The following CELF2 variants were observed in gnomAD, a reference collection of about 807,000 sequenced individuals.
The protein encoded by CELF2 is CUGBP Elav-like family member 2.
Under a neutral mutation model 62.6 loss-of-function variants are expected in CELF2, and 8 were observed. That is an observed-to-expected ratio of 0.13 (90% CI 0.07 to 0.23). The LOEUF (loss-of-function observed/expected upper bound fraction) is 0.23. CELF2 is among the 10% of genes least tolerant of loss of function. The probability of loss-of-function intolerance (pLI) is 1.00; values close to 1 mark genes in which losing one functional copy is unlikely to be tolerated. For synonymous variants in CELF2, 258 were observed against 250.0 expected (o/e 1.03, Z -0.30); for missense variants, 333 against 671.0 (o/e 0.50, Z 5.56).
chr10:10,849,878 C>T (rs536575872), intron 1 of CELF2, among the ~76,000 whole-genome samples: 6 of 152,064 alleles, frequency 3.9e-5, no homozygotes, highest in South Asian at 2.1e-4. Flanking sequence ...TGTGGTGGCT[C>T]ATGCCTGTAA....
intron 2 of CELF2, among the ~76,000 whole-genome samples, chr10:10,940,404 C>T (rs2046923386): frequency 6.6e-6 from 1 of 152,138 alleles, no homozygotes; most frequent in African/African-American, 2.4e-5. Context: ...TAACTTGCTC[C>T]TTTGTCATGC....
chr10:10,864,738 G>A (rs879313376), intron 1 of CELF2, among the ~76,000 whole-genome samples: 7 of 152,146 alleles, frequency 4.6e-5, no homozygotes, highest in Non-Finnish European at 1.0e-4. Context: ...TGTCTTAGGT[G>A]TTAGAGCTCC....
chr10:11,208,482 G>A (rs866084649), intron 2 of CELF2, among the ~76,000 whole-genome samples: 9 of 152,122 alleles, frequency 5.9e-5, no homozygotes, highest in East Asian at 1.9e-4. Flanking sequence ...AGGACATGAC[G>A]TAACGCTAAC....
the CELF2 span, among the ~76,000 whole-genome samples, chr10:10,738,677 G>A: frequency 1.3e-5 from 2 of 152,040 alleles, no homozygotes; most frequent in Non-Finnish European, 2.9e-5. Context: ...TCCAATAGAG[G>A]GCCATCCTAC....
chr10:10,567,484 G>A, the CELF2 span, among the ~76,000 whole-genome samples: 1 of 152,162 alleles, frequency 6.6e-6, no homozygotes, highest in Non-Finnish European at 1.5e-5. Context: ...GGAAGGCAGA[G>A]AAGCAGAATG....
the CELF2 span, among the ~76,000 whole-genome samples, chr10:10,785,291 G>A: frequency 6.6e-6 from 1 of 152,136 alleles, no homozygotes; most frequent in Non-Finnish European, 1.5e-5. Context: ...AATATCATCT[G>A]GAGTGTGCCA....
intron 3 of CELF2, among the ~76,000 whole-genome samples, chr10:11,239,244 A>G (rs1186018948): frequency 6.6e-6 from 1 of 152,066 alleles, no homozygotes; most frequent in Non-Finnish European, 1.5e-5. Context: ...CCTTTGGTGT[A>G]CGACGTGATT....
At chr10:10,536,010 G>A in the CELF2 span, among the ~76,000 whole-genome samples, 8 of 130,414 alleles carry the variant, frequency 6.1e-5, no homozygotes, top group African/African-American at 2.2e-4. Context: ...GGGGCTTCAA[G>A]AAAGCTTTTG....
At chr10:11,276,751 C>T (rs1240640742) in intron 8 of CELF2, among the ~76,000 whole-genome samples, 1 of 152,202 alleles carries the variant, frequency 6.6e-6, no homozygotes, top group Non-Finnish European at 1.5e-5. Context: ...TGCTGCCGAG[C>T]GTGCTGTCCC....
chr10:11,253,471 C>T (rs956819030), intron 4 of CELF2, among the ~76,000 whole-genome samples: 7 of 152,092 alleles, frequency 4.6e-5, no homozygotes, highest in South Asian at 2.1e-4. Flanking sequence ...TTCTGATTCA[C>T]GGGAAGATGA....
rs1482513272 is a variant in CELF2 at position 10,894,146 on chromosome 10, T to C, written c.54-25818T>C. On this transcript the variant is annotated intron_variant, in intron 1 of 13. Transcript: ENST00000636488. ...AAAAAAAAGGCCAAATGATAGATTT[T>C]TCATTTTGGGCAAAAAAAAGAATTG... is the stretch of plus-strand genomic sequence containing the variant. 2.0e-5 allele frequency among the ~76,000 whole-genome samples: 3 copies of C among 152,214 alleles called. No homozygotes were observed. In the East Asian group the frequency reaches 5.8e-4, roughly 29 times the overall value.
chr10:10,865,558 T>G (rs1252161423), intron 1 of CELF2, among the ~76,000 whole-genome samples: 2 of 152,242 alleles, frequency 1.3e-5, no homozygotes, highest in African/African-American at 4.8e-5. Context: ...CAGTTTTTAT[T>G]GCCTGAATGG....
In CELF2 at chr10:11,306,397, T is replaced by G. The variant is rs2094212256; in HGVS notation, c.977-7742T>G. Among the ~76,000 whole-genome samples, 1 of 152,104 alleles carries G rather than the reference T, an allele frequency of 6.6e-6. No individual in the cohort carries two copies. Among genetic ancestry groups the G allele is most frequent in the Non-Finnish European group, 1.5e-5 (1 of 67,994 alleles). ...TGTCCGAGGCAGCATCTTGCCAGCC[T>G]GCCAGCACAGAAATGGAGAGTCTGG... On this transcript the variant is annotated intron_variant, in intron 9 of 12. Coordinates refer to ENST00000633077, the MANE Select transcript of CELF2 (RefSeq NM_001326342.2). The surrounding 1 kb of genome is among the most constrained non-coding windows in gnomAD (Gnocchi z 4.4).
At chr10:11,234,464 C>T (rs1358570895) in intron 3 of CELF2, among the ~76,000 whole-genome samples, 1 of 152,104 alleles carries the variant, frequency 6.6e-6, no homozygotes, top group Non-Finnish European at 1.5e-5. Flanking sequence ...GGGTGGATCA[C>T]GAGGTCAGGA....
chr10:11,220,676 C>T lies in CELF2; in HGVS notation c.354+3169C>T, dbSNP rs931706207. Among the ~76,000 whole-genome samples, 1 of 152,202 alleles carries T rather than the reference C, an allele frequency of 6.6e-6. No individual in the cohort carries two copies. The highest frequency in any genetic ancestry group is 2.4e-5 in the African/African-American group (1 of 41,434). The stretch of plus-strand genomic sequence containing the variant: ...AACATAAACCCTAGAAATACAATGG[C>T]AGTCATAAAGGAAGCAAATTCAACA... On this transcript the variant is annotated intron_variant, in intron 3 of 12. Transcript: ENST00000633077. This position sits in a 1 kb window ranked among gnomAD's most constrained non-coding sequence, Gnocchi z 4.4.
At chr10:11,146,213 A>G (rs2062243556) in intron 1 of CELF2, among the ~76,000 whole-genome samples, 1 of 152,222 alleles carries the variant, frequency 6.6e-6, no homozygotes, top group African/African-American at 2.4e-5. Flanking sequence ...TTTTACAGAG[A>G]TTCATTTTAG....
intron 2 of CELF2, among the ~76,000 whole-genome samples, chr10:11,167,809 G>C (rs1388006475): frequency 6.6e-6 from 1 of 152,330 alleles, no homozygotes; most frequent in East Asian, 1.9e-4. Context: ...AGCTTTACAT[G>C]TGTCCTCATT....
chr10:10,479,846 G>A, the CELF2 span, among the ~76,000 whole-genome samples: 1 of 152,198 alleles, frequency 6.6e-6, no homozygotes, highest in South Asian at 2.1e-4. Context: ...TAATAAATGG[G>A]AATTACTATT....
intron 1 of CELF2, among the ~76,000 whole-genome samples, chr10:11,032,257 A>G (rs536582474): frequency 1.3e-5 from 2 of 151,822 alleles, no homozygotes; most frequent in African/African-American, 4.8e-5. Context: ...ATCCTGGTCA[A>G]TTTTACTCTT....
Sources: gnomAD v4.1 joint callset for allele counts (sites outside exome capture counted in the v4.1 genomes callset) on GRCh38, gnomAD v4.1.1 for gene constraint, Gnocchi (gnomAD v3.1) non-coding constraint, MANE v1.5 for transcripts, NCBI Gene and HGNC (gene_info 2026-07-23, HGNC 2026-07-21) for gene names.